The following PYGB variants were observed in gnomAD, a reference collection of about 807,000 sequenced individuals.
PYGB encodes the protein glycogen phosphorylase B.
In PYGB, 82 loss-of-function variants were observed where a neutral mutation model predicts 94.3. That is an observed-to-expected ratio of 0.87 (90% confidence interval 0.73 to 1.04). The LOEUF (loss-of-function observed/expected upper bound fraction) is 1.04, where lower values mean the gene tolerates loss of function less well. PYGB is among the 50% of genes least tolerant of loss of function. The probability of loss-of-function intolerance (pLI) is 0.00; values close to 1 mark genes in which losing one functional copy is unlikely to be tolerated. For missense variants in PYGB, 1,132 were observed against 1,158.2 expected (o/e 0.98, Z 0.33); for synonymous variants, 488 against 479.1 (o/e 1.02, Z -0.24).
chr20:25,283,917 A>G (rs1200794836), intron 13 of PYGB, among the ~76,000 whole-genome samples, 187 bp from the exon 14 acceptor site: 1 of 151,916 alleles, frequency 6.6e-6, no homozygotes, highest in East Asian at 1.9e-4. Context: ...ACCCACCTTC[A>G]GCATCCCCCT....
chr20:25,280,859 T>G (rs2088359595), intron 10 of PYGB, 90 bp from the exon 11 acceptor site: 2 of 1,472,524 alleles, frequency 1.4e-6, no homozygotes, highest in African/African-American at 1.4e-5. Flanking sequence ...TTCCCATGGG[T>G]GGTCATGGAG....
At chr20:25,289,558 T>A (rs1343280202) in intron 15 of PYGB, among the ~76,000 whole-genome samples, 1 of 151,766 alleles carries the variant, frequency 6.6e-6, no homozygotes, top group Non-Finnish European at 1.5e-5. Flanking sequence ...AGTAGGAGGA[T>A]CGATTGTCCT....
At chr20:25,258,331 G>A (rs1434353704) in intron 1 of PYGB, among the ~76,000 whole-genome samples, 1 of 152,180 alleles carries the variant, frequency 6.6e-6, no homozygotes, top group East Asian at 1.9e-4. Context: ...CCTCAGCAGG[G>A]TGTCGCTACA....
At chr20:25,268,389 CT>C (rs5841052) in intron 2 of PYGB, among the ~76,000 whole-genome samples, 7,710 of 142,476 alleles carry the variant, frequency 0.054, 397 homozygotes, top group Admixed American at 0.16. Context: ...CAAAAATGTC[CT>C]TTTTTTTTTT....
intron 18 of PYGB, 128 bp downstream of exon 18, chr20:25,294,420 GC>G: frequency 8.2e-7 from 1 of 1,220,838 alleles, no homozygotes; most frequent in Non-Finnish European, 1.1e-6. Flanking sequence ...TCTCCACTGT[GC>G]CCATGAGACC....
intron 1 of PYGB, among the ~76,000 whole-genome samples, chr20:25,252,569 G>C (rs909079943): frequency 6.6e-6 from 1 of 152,222 alleles, no homozygotes; most frequent in Non-Finnish European, 1.5e-5. Context: ...TGATTTGCCA[G>C]AATGGCTCAT....
rs953562837 is a variant in PYGB, at chr20:25,276,943, C to T, written c.772+186C>T. ...AGCTTACCTGTGTGTGGGGCCTGCCCGGGAAGGGCCTACAGGCAGAGCGAC... is the reference window on the plus strand; with the variant it reads ...AGCTTACCTGTGTGTGGGGCCTGCCTGGGAAGGGCCTACAGGCAGAGCGAC... On this transcript the variant is annotated intron_variant, in intron 6 of 19. Coordinates refer to ENST00000216962, the MANE Select transcript of PYGB (RefSeq NM_002862.4). Among the ~76,000 whole-genome samples, 11 of 151,898 alleles carry T rather than the reference C, an allele frequency of 7.2e-5. No homozygotes were observed. In the South Asian group the frequency reaches 1.2e-3, roughly 17 times the overall value.
At chr20:25,292,726 GTCAGTGCCCACCCAGGGC>G in intron 17 of PYGB, 113 bp downstream of exon 17, 4 of 1,329,948 alleles carry the variant, frequency 3.0e-6, no homozygotes, top group Non-Finnish European at 4.1e-6. Flanking sequence ...GTGTGCTAGG[GTCAGTGCCCACCCAGGGC>G]TGTGTGCCTG....
intron 15 of PYGB, chr20:25,289,955 TTG>T (rs1568698271): frequency 1.9e-6 from 1 of 533,572 alleles, no homozygotes; most frequent in Admixed American, 1.9e-5. Flanking sequence ...CCCTGCCCAG[TTG>T]TCTTTGTAAA....
At position 25,257,214 on chromosome 20, in the gene PYGB, C is replaced by G. The variant is rs150371479; in HGVS notation, c.244-2023C>G. 2.6e-5 allele frequency among the ~76,000 whole-genome samples: 4 copies of G among 152,362 alleles called. No individual in the cohort carries two copies. The East Asian group carries it at 7.7e-4, about 29-fold the overall frequency. On this transcript the variant is annotated intron_variant, in intron 1 of 19. Transcript: ENST00000216962. Reference sequence around the variant, plus strand: ...AATGATGAAAGTTCTTAAATTGAAACAAGTTGCAGAAAAACCTCAAAGCAG... The same window carrying G: ...AATGATGAAAGTTCTTAAATTGAAAGAAGTTGCAGAAAAACCTCAAAGCAG...
rs750836489 is a variant in PYGB, at chr20:25,271,406, A to T, written c.448A>T (p.Thr150Ser). ...AGCGTGTTTCCTTGACTCAATGGCT[A>T]CCTTGGGCCTGGCAGCATACGGCTA... ...LAACFLDSMA[T>S]LGLAAYGYGI... The change falls in exon 4 of 20, where the codon ACC becomes TCC. Residue 150 changes from threonine (T) to serine (S), a missense_variant. Physicochemically the swap from Thr to Ser is moderately conservative, Grantham distance 58 (BLOSUM62 1). Coordinates refer to ENST00000216962, the MANE Select transcript of PYGB (RefSeq NM_002862.4). 1 of 1,614,062 alleles carries T rather than the reference A, an allele frequency of 6.2e-7. No homozygotes were observed.
chr20:25,281,167 G>GTC, intron 11 of PYGB, 55 bp downstream of exon 11: 1 of 1,591,580 alleles, frequency 6.3e-7, no homozygotes. Context: ...CCAGGCCTGC[G>GTC]TCTAGGACCA....
At chr20:25,253,844 A>G (rs2092895304) in intron 1 of PYGB, among the ~76,000 whole-genome samples, 1 of 151,952 alleles carries the variant, frequency 6.6e-6, no homozygotes, top group Non-Finnish European at 1.5e-5. Flanking sequence ...CTGTAAGTTC[A>G]TTTTTCTCCG....
At position 25,259,225 on chromosome 20, in the gene PYGB, C is replaced by T. The variant is rs200703420; in HGVS notation, c.244-12C>T. The T allele has an allele frequency of 6.4e-7, 1 of 1,564,000 alleles. No homozygotes were observed. Among genetic ancestry groups the T allele is most frequent in the Non-Finnish European group, 8.8e-7 (1 of 1,134,668 alleles). ...GGAATGAGAAATCTTATTCTTTCTT[C>T]TGCTTCCTCAGCGCATTTATTATCT... On this transcript the variant is annotated splice_polypyrimidine_tract_variant and intron_variant, in intron 1 of 19. Coordinates refer to ENST00000216962, the MANE Select transcript of PYGB (RefSeq NM_002862.4).
chr20:25,254,681 C>T (rs2092898260), intron 1 of PYGB, among the ~76,000 whole-genome samples: 1 of 152,198 alleles, frequency 6.6e-6, no homozygotes, highest in African/African-American at 2.4e-5. Flanking sequence ...TGGTAGCTCA[C>T]TAGGTATAAA....
intron 18 of PYGB, 143 bp downstream of exon 18, chr20:25,294,435 C>A (rs73343081): frequency 1.7e-5 from 19 of 1,101,458 alleles, no homozygotes; most frequent in Admixed American, 5.0e-5. Context: ...TGAGACCTTA[C>A]TGGGCAGAGC....
chr20:25,267,054 T>C (rs1158513153), intron 2 of PYGB, among the ~76,000 whole-genome samples: 1 of 152,212 alleles, frequency 6.6e-6, no homozygotes, highest in East Asian at 1.9e-4. Flanking sequence ...ACAGCAGCAT[T>C]ATTCATAACA....
rs1269819480 is a variant in PYGB at position 25,290,364 on chromosome 20, G to A, written c.1828-117G>A. ...CCCTAGCTCCTCTACTGACCGTCCC[G>A]ACGGCAGGTTCCTGTGGCTCTAGCC... On this transcript the variant is annotated intron_variant, in intron 15 of 19. Transcript: ENST00000216962. 25 of 1,356,462 alleles carry A rather than the reference G, an allele frequency of 1.8e-5. No individual in the cohort carries two copies. In the South Asian group the frequency reaches 2.2e-4, roughly 12 times the overall value. The allele number at this position is 1,356,462 out of a possible 1,614,324, so 84.0% of individuals were successfully genotyped here. A position where few individuals can be genotyped will look rare whatever the true frequency, so the allele number is the denominator to read the frequency against.
intron 1 of PYGB, among the ~76,000 whole-genome samples, chr20:25,253,782 C>T (rs1221722688): frequency 2.0e-5 from 3 of 152,134 alleles, no homozygotes; most frequent in Admixed American, 6.5e-5. Flanking sequence ...ACGCTTCATC[C>T]GGATTCCCCA....
Sources: allele counts gnomAD v4.1 joint callset (sites outside exome capture counted in the v4.1 genomes callset), GRCh38; gene constraint gnomAD v4.1.1; transcripts MANE v1.5; gene names NCBI Gene and HGNC (gene_info 2026-07-23, HGNC 2026-07-21).